The following COL26A1 variants were observed in gnomAD, a reference collection of about 807,000 sequenced individuals.
COL26A1 encodes the protein collagen type XXVI alpha 1 chain.
A neutral mutation model predicts 59.3 loss-of-function variants in COL26A1; 41 were observed. That is an observed-to-expected ratio of 0.69 (90% CI 0.54 to 0.90). The LOEUF (loss-of-function observed/expected upper bound fraction) is 0.90. COL26A1 is among the 40% of genes least tolerant of loss of function. COL26A1 has a pLI of 0.00. For synonymous variants in COL26A1, 266 were observed against 256.0 expected (o/e 1.04, Z -0.37); for missense variants, 612 against 602.3 (o/e 1.02, Z -0.17).
chr7:101,453,243 C>T (rs1026770987), intron 3 of COL26A1, among the ~76,000 whole-genome samples: 3 of 152,178 alleles, frequency 2.0e-5, no homozygotes, highest in East Asian at 1.9e-4. Flanking sequence ...GGCACGTGCC[C>T]GTAGCCCCAG....
chr7:101,419,376 T>C (rs906668688), intron 1 of COL26A1, among the ~76,000 whole-genome samples: 2 of 151,990 alleles, frequency 1.3e-5, no homozygotes, highest in Admixed American at 1.3e-4. Flanking sequence ...CCTCCTAAAG[T>C]GCTAGGATTA....
chr7:101,488,291 A>AG (rs1794310187), intron 3 of COL26A1, among the ~76,000 whole-genome samples: 2 of 149,900 alleles, frequency 1.3e-5, no homozygotes, highest in Non-Finnish European at 3.0e-5. Flanking sequence ...AAAAAAAAAA[A>AG]GTAATTAAAT....
chr7:101,466,244 G>A (rs1793755173), intron 3 of COL26A1, among the ~76,000 whole-genome samples: 1 of 152,066 alleles, frequency 6.6e-6, no homozygotes, highest in Non-Finnish European at 1.5e-5. Context: ...TATAAAGTGA[G>A]CACAGCGATA....
chr7:101,460,230 A>G (rs1050351672), intron 3 of COL26A1, among the ~76,000 whole-genome samples: 1 of 152,096 alleles, frequency 6.6e-6, no homozygotes, highest in African/African-American at 2.4e-5. Context: ...GAGAGTGTGC[A>G]GGGGCCAGAG....
rs545307776 is a variant in COL26A1, at chr7:101,557,689, G to T, written c.*159G>T. On this transcript the variant is annotated 3_prime_UTR_variant, in exon 13 of 13. Coordinates refer to ENST00000313669, the MANE Select transcript of COL26A1 (RefSeq NM_001278563.3). ...TTGGGGACAGATAATGTCTCCAGGG[G>T]CAGGGTCTGGAGGGGCCAACACCCT... The T allele has an allele frequency of 1.2e-3, 862 of 745,414 alleles. 18 individuals are homozygous for T. In the South Asian group the frequency reaches 0.017, roughly 14 times the overall value. 46.2% of individuals were successfully genotyped at this position (745,414 alleles called of 1,614,324 possible). A position where few individuals can be genotyped will look rare whatever the true frequency, so the allele number is the denominator to read the frequency against.
intron 1 of COL26A1, among the ~76,000 whole-genome samples, chr7:101,389,377 ATT>A (rs71106518): frequency 0.02 from 1,808 of 89,372 alleles, 20 homozygotes; most frequent in African/African-American, 0.061. Flanking sequence ...TGATTTGCAC[ATT>A]TTTTTTTTTT....
chr7:101,473,975 G>A (rs1196948781), intron 3 of COL26A1, among the ~76,000 whole-genome samples: 1 of 152,206 alleles, frequency 6.6e-6, no homozygotes, highest in Non-Finnish European at 1.5e-5. Flanking sequence ...CCTCCAGAGT[G>A]TTGGAAAGTA....
At position 101,413,255 on chromosome 7, in the gene COL26A1, G is replaced by A. The variant is rs529333705; in HGVS notation, c.159-6722G>A. Among the ~76,000 whole-genome samples the A allele has an allele frequency of 2.6e-5, 4 of 152,150 alleles. No homozygotes were observed. The East Asian group carries it at 5.8e-4, about 22-fold the overall frequency. ...GACTTGTGGCCGGGCGCGGTGGCTC[G>A]TGCCTATAATCCCAGCACTTTGGGA... On this transcript the variant is annotated intron_variant, in intron 1 of 12. Coordinates refer to ENST00000313669, the MANE Select transcript of COL26A1 (RefSeq NM_001278563.3).
intron 1 of COL26A1, among the ~76,000 whole-genome samples, chr7:101,386,942 T>C (rs778427813): frequency 1.3e-5 from 2 of 152,116 alleles, no homozygotes; most frequent in Non-Finnish European, 2.9e-5. Flanking sequence ...TGTCTCAGCG[T>C]CGGACAGAGC....
intron 2 of COL26A1, among the ~76,000 whole-genome samples, chr7:101,443,634 T>C (rs1461233727): frequency 1.3e-5 from 2 of 152,186 alleles, no homozygotes; most frequent in Non-Finnish European, 2.9e-5. Flanking sequence ...ACAATGCACG[T>C]AAAGTGAATA....
In COL26A1 at chr7:101,522,509, C is replaced by T. The variant is rs60765471; in HGVS notation, c.386-10573C>T. 0.034 allele frequency among the ~76,000 whole-genome samples: 5,121 copies of T among 152,284 alleles called. 639 individuals are homozygous for T. In the East Asian group the frequency reaches 0.44, roughly 13 times the overall value. On this transcript the variant is annotated intron_variant, in intron 3 of 12. Coordinates refer to ENST00000313669, the MANE Select transcript of COL26A1 (RefSeq NM_001278563.3). ...CCATGTTTGGGAACAGCTTCTCCTGCAGCCCCCAGCAACTATTTCCCATTT... is the reference window on the plus strand; with the variant it reads ...CCATGTTTGGGAACAGCTTCTCCTGTAGCCCCCAGCAACTATTTCCCATTT...
intron 1 of COL26A1, among the ~76,000 whole-genome samples, chr7:101,374,768 T>G (rs564720151): frequency 6.6e-6 from 1 of 152,260 alleles, no homozygotes; most frequent in East Asian, 1.9e-4. Flanking sequence ...AGAAATAAAG[T>G]GCACAGGCCA....
chr7:101,386,491 C>G (rs933769167), intron 1 of COL26A1, among the ~76,000 whole-genome samples: 1 of 152,120 alleles, frequency 6.6e-6, no homozygotes, highest in African/African-American at 2.4e-5. Context: ...TGCACCGCAC[C>G]TGGCCCTGGC....
intron 1 of COL26A1, among the ~76,000 whole-genome samples, chr7:101,415,267 C>G (rs1242398281): frequency 6.6e-6 from 1 of 151,980 alleles, no homozygotes; most frequent in Non-Finnish European, 1.5e-5. Flanking sequence ...ACTCTTCTGC[C>G]ACAGCCTCCC....
chr7:101,392,952 G>A (rs1791766994), intron 1 of COL26A1, among the ~76,000 whole-genome samples: 1 of 151,822 alleles, frequency 6.6e-6, no homozygotes, highest in African/African-American at 2.4e-5. Flanking sequence ...GGACTGTTCA[G>A]ATGTAAACAA....
chr7:101,513,634 C>T (rs111300186), intron 3 of COL26A1, among the ~76,000 whole-genome samples: 14,094 of 152,238 alleles, frequency 0.093, 751 homozygotes, highest in Middle Eastern at 0.13. Flanking sequence ...TGTGAGCCAC[C>T]ATGCCTGGCC....
rs1796012932 is a variant in COL26A1, at chr7:101,557,631, C to CA, written c.*102dup. 1 of 1,226,500 alleles carries CA rather than the reference C, an allele frequency of 8.2e-7. No homozygotes were observed. The highest frequency in any genetic ancestry group is 2.5e-5 in the Admixed American group (1 of 40,754). The allele number at this position is 1,226,500 out of a possible 1,614,324, so 76.0% of individuals were successfully genotyped here. ...AGATGCCCCCAGGGGAACTGGGCTC[C>CA]AGGCATGGATGATTGTGAGGACATG... On this transcript the variant is annotated 3_prime_UTR_variant, in exon 13 of 13. Coordinates refer to ENST00000313669, the MANE Select transcript of COL26A1 (RefSeq NM_001278563.3).
chr7:101,447,640 G>A (rs1382738300), intron 2 of COL26A1, 44 bp from the exon 3 acceptor site: 1 of 1,314,132 alleles, frequency 7.6e-7, no homozygotes, highest in Non-Finnish European at 1.1e-6. Flanking sequence ...TCTGGAGGTG[G>A]GTGGGTGGGA....
At chr7:101,426,191 T>C (rs965483361) in intron 2 of COL26A1, among the ~76,000 whole-genome samples, 1 of 152,074 alleles carries the variant, frequency 6.6e-6, no homozygotes, top group African/African-American at 2.4e-5. Context: ...GCGTGCTGGG[T>C]AGAATTCCCT....
Sources: gnomAD v4.1 joint callset for allele counts (sites outside exome capture counted in the v4.1 genomes callset) on GRCh38, gnomAD v4.1.1 for gene constraint, MANE v1.5 for transcripts, NCBI Gene and HGNC (gene_info 2026-07-23, HGNC 2026-07-21) for gene names.